CASKIN1: variants seen among roughly 807,000 people sequenced by gnomAD.
CASKIN1 encodes the protein CASK interacting protein 1.
A neutral mutation model predicts 117.5 loss-of-function variants in CASKIN1; 42 were observed. The observed-to-expected ratio is 0.36, with a 90% confidence interval of 0.28 to 0.46. The LOEUF (loss-of-function observed/expected upper bound fraction) is 0.46, where lower values mean the gene tolerates loss of function less well. Ranked by LOEUF, CASKIN1 falls within the 20% of genes least tolerant of loss-of-function variation. CASKIN1 has a pLI of 1.00. For missense variants in CASKIN1, 2,083 were observed against 2,077.3 expected (o/e 1.00, Z -0.05); for synonymous variants, 1,148 against 961.7 (o/e 1.19, Z -3.59).
chr16:2,180,921 C>T lies in CASKIN1; in HGVS notation c.2447G>A (p.Arg816His), dbSNP rs748926401. Residue 816 changes from arginine (R) to histidine (H), a missense_variant, in exon 18 of 20, where the codon CGC (arginine) becomes CAC (histidine). This residue lies in a region of CASKIN1 where 1,818 missense variants were observed against 1,688.9 expected (regional missense o/e 1.08). Coordinates refer to ENST00000343516, the MANE Select transcript of CASKIN1 (RefSeq NM_020764.4). ...AGGCAGGGAGCGGGGTGACATGGGG[C>T]GCTCTGTCGGCGGCAGCAGCTGCGG... is the stretch of plus-strand genomic sequence containing the variant. ...PTPQLLPPTE[R>H]PMSPRSLPQS... The T allele has an allele frequency of 4.7e-5, 68 of 1,457,742 alleles. No individual in the cohort carries two copies. The highest frequency in any genetic ancestry group is 5.2e-5 in the East Asian group (2 of 38,568). The allele number at this position is 1,457,742 out of a possible 1,614,324, so 90.3% of individuals were successfully genotyped here.
intron 17 of CASKIN1, 43 bp from the exon 18 acceptor site, chr16:2,181,642 G>A (rs1406854687): frequency 1.3e-6 from 2 of 1,489,424 alleles, no homozygotes; most frequent in Non-Finnish European, 1.8e-6. Flanking sequence ...CCAGGAGGCG[G>A]AGGGGCAGGG....
In CASKIN1 at chr16:2,180,073, G is replaced by A. The variant is rs760046951; in HGVS notation, c.3295C>T (p.Arg1099Trp). ...PFVEDGTGRQ[R>W]PRGPSKGEAG... The stretch of plus-strand genomic sequence containing the variant: ...TCGCCCTTGGAGGGACCCCGAGGCC[G>A]CTGCCGGCCAGTGCCATCCTCCACA... Residue 1099 changes from arginine (R) to tryptophan (W), a missense_variant, in exon 18 of 20, where the codon CGG becomes TGG. By Grantham distance (101) the Arg-to-Trp change is moderately radical (BLOSUM62 -3). Around this residue, in one of 3 missense-constraint regions of CASKIN1, gnomAD observed 1,818 missense variants for 1,688.9 expected, o/e 1.08. Transcript: ENST00000343516. 6 of 1,572,910 alleles carry A rather than the reference G, an allele frequency of 3.8e-6. No homozygotes were observed. The East Asian group carries it at 1.2e-4, about 31-fold the overall frequency.
rs543337642 is a variant in CASKIN1, at chr16:2,182,664, C to T, written c.1630-735G>A. ...CACGCGCCAGGTGGCTTTTGACAGC[C>T]ACCGATCGCCTCTCCCGTTGGGAGC... On this transcript the variant is annotated intron_variant, in intron 16 of 19. Transcript: ENST00000343516. The surrounding 1 kb of genome is among the most constrained non-coding windows in gnomAD (Gnocchi z 4.1). 1.4e-4 allele frequency among the ~76,000 whole-genome samples: 22 copies of T among 152,364 alleles called. No individual in the cohort carries two copies. The highest frequency in any genetic ancestry group is 3.2e-4 in the Non-Finnish European group (22 of 68,036).
In CASKIN1 at chr16:2,179,712, C is replaced by T. The variant is rs989055406; in HGVS notation, c.3656G>A (p.Arg1219Gln). The T allele has an allele frequency of 1.3e-5, 19 of 1,510,696 alleles. No individual in the cohort carries two copies. In the African/African-American group the frequency reaches 1.8e-4, roughly 14 times the overall value. The allele number at this position is 1,510,696 out of a possible 1,614,324, so 93.6% of individuals were successfully genotyped here. A position where few individuals can be genotyped will look rare whatever the true frequency, so the allele number is the denominator to read the frequency against. The change falls in exon 18 of 20, where the codon CGG becomes CAG. Residue 1219 changes from arginine (R) to glutamine (Q), a missense_variant. Arg to Gln is a conservative substitution (Grantham distance 43, BLOSUM62 1). Transcript: ENST00000343516. This position sits in a 1 kb window ranked among gnomAD's most constrained non-coding sequence, Gnocchi z 5.8. ...PPLPPPEGEA[R>Q]KPAKPPVSPK... ...AGAGACAGGCGGCTTGGCCGGCTTC[C>T]GGGCTTCGCCCTCGGGCGGGGGCAA...
Position 2,180,078 on chromosome 16 carries a change from C to G in CASKIN1, c.3290G>C (p.Arg1097Pro), listed in dbSNP as rs867315410. ...PGPFVEDGTG[R>P]QRPRGPSKGE... Reference sequence around the variant, plus strand: ...CTTGGAGGGACCCCGAGGCCGCTGCCGGCCAGTGCCATCCTCCACAAAGGG... The same window carrying G: ...CTTGGAGGGACCCCGAGGCCGCTGCGGGCCAGTGCCATCCTCCACAAAGGG... The change falls in exon 18 of 20, where the codon CGG (arginine) becomes CCG (proline). Residue 1097 changes from arginine (R) to proline (P), a missense_variant. Arg to Pro is a moderately radical substitution (Grantham distance 103). This residue lies in a region of CASKIN1 where 1,818 missense variants were observed against 1,688.9 expected (regional missense o/e 1.08). Coordinates refer to ENST00000343516, the MANE Select transcript of CASKIN1 (RefSeq NM_020764.4). The G allele has an allele frequency of 6.4e-7, 1 of 1,568,814 alleles. No homozygotes were observed.
chr16:2,189,165 G>A lies in CASKIN1; in HGVS notation c.487-8C>T, dbSNP rs761266049. On this transcript the variant is annotated splice_polypyrimidine_tract_variant and splice_region_variant and intron_variant, in intron 5 of 19. Transcript: ENST00000343516. ...GAGGAGCAGCTGGACCACCTTGAAG[G>A]AGGGGTCAGGGTAGGGGGGTCCTGA... The A allele has an allele frequency of 1.2e-6, 2 of 1,612,610 alleles. No homozygotes were observed. The highest frequency in any genetic ancestry group is 1.1e-5 in the South Asian group (1 of 91,058).
At chr16:2,186,895 G>A (rs1471603563) in intron 9 of CASKIN1, 71 bp from the exon 10 acceptor site, 2 of 1,600,848 alleles carry the variant, frequency 1.2e-6, no homozygotes, top group South Asian at 1.1e-5. Context: ...GTGCCCCCCA[G>A]TTGCGGCGGG....
rs1567256885 is a variant in CASKIN1, at chr16:2,178,981, C to T, written c.4120G>A (p.Glu1374Lys). ...SPGDSARQKLEETSACLAAAL... is the reference protein window; with the variant it reads ...SPGDSARQKLKETSACLAAAL... ...GCGGCCAGGCACGCGCTTGTCTCCTCCAGTTTCTGCCGGGCGCTGTCCCCT... is the reference window on the plus strand; with the variant it reads ...GCGGCCAGGCACGCGCTTGTCTCCTTCAGTTTCTGCCGGGCGCTGTCCCCT... The change falls in exon 19 of 20, where the codon GAG (glutamate) becomes AAG (lysine). Residue 1374 changes from glutamate to lysine, a missense_variant. Physicochemically the swap from Glu to Lys is moderately conservative, Grantham distance 56. Transcript: ENST00000343516. 2 of 1,420,140 alleles carry T rather than the reference C, an allele frequency of 1.4e-6. No individual in the cohort carries two copies. Among genetic ancestry groups the T allele is most frequent in the African/African-American group, 1.5e-5 (1 of 66,960 alleles). 88.0% of individuals were successfully genotyped at this position (1,420,140 alleles called of 1,614,324 possible). A position where few individuals can be genotyped will look rare whatever the true frequency, so the allele number is the denominator to read the frequency against.
chr16:2,177,350 C>G lies in CASKIN1; in HGVS notation c.*1200G>C, dbSNP rs1053967493. 1 of 233,930 alleles carries G rather than the reference C, an allele frequency of 4.3e-6. No homozygotes were observed. The highest frequency in any genetic ancestry group is 8.4e-6 in the Non-Finnish European group (1 of 118,498). 14.5% of individuals were successfully genotyped at this position (233,930 alleles called of 1,614,324 possible). On this transcript the variant is annotated 3_prime_UTR_variant, in exon 20 of 20. Coordinates refer to ENST00000343516, the MANE Select transcript of CASKIN1 (RefSeq NM_020764.4). ...TGAGACAGCAGGAAGGGGCCCTGCA[C>G]GCCGGGACGCCACCTCCGCCAGCCG...
intron 14 of CASKIN1, 110 bp from the exon 15 acceptor site, chr16:2,184,051 G>A (rs1375105874): frequency 1.6e-5 from 11 of 684,732 alleles, no homozygotes; most frequent in African/African-American, 3.6e-5. Flanking sequence ...TGCGTCCGCC[G>A]TCCGCTGCTC....
At chr16:2,178,722 C>T (rs1404451354) in intron 19 of CASKIN1, 76 bp from the exon 20 acceptor site, 30 of 1,387,112 alleles carry the variant, frequency 2.2e-5, no homozygotes, top group African/African-American at 3.0e-5. Flanking sequence ...GACACGCCCA[C>T]GTCCCGCATC....
intron 1 of CASKIN1, among the ~76,000 whole-genome samples, chr16:2,192,020 C>CGTGGCTCA (rs1245480389): frequency 6.6e-6 from 1 of 152,182 alleles, no homozygotes; most frequent in Non-Finnish European, 1.5e-5. Flanking sequence ...GGCTCTGTGC[C>CGTGGCTCA]GTGGCTCACG....
chr16:2,194,863 C>T (rs1440517047), intron 1 of CASKIN1, among the ~76,000 whole-genome samples: 2 of 152,170 alleles, frequency 1.3e-5, no homozygotes, highest in Admixed American at 6.5e-5. Context: ...GGCCCTGGGC[C>T]GTCCAAGACT....
Position 2,181,588 on chromosome 16 carries a change from T to G in CASKIN1, c.1780A>C (p.Lys594Gln). The change falls in exon 18 of 20, where the codon AAG (lysine) becomes CAG (glutamine). Residue 594 changes from lysine to glutamine, a missense_variant. Lys to Gln is a moderately conservative substitution (Grantham distance 53). This residue lies in a region of CASKIN1 where 1,818 missense variants were observed against 1,688.9 expected (regional missense o/e 1.08). Coordinates refer to ENST00000343516, the MANE Select transcript of CASKIN1 (RefSeq NM_020764.4). ...AGCTTCCTCACAGCGAGCATCAGCT[T>G]CTTCTGGTGCCCTGAGTGGGGCGCA... ...IGITKLGHQK[K>Q]LMLAVRKLAE... The G allele has an allele frequency of 6.4e-7, 1 of 1,561,128 alleles. No homozygotes were observed. The highest frequency in any genetic ancestry group is 8.7e-7 in the Non-Finnish European group (1 of 1,155,732).
chr16:2,194,893 A>C (rs958756342), intron 1 of CASKIN1, among the ~76,000 whole-genome samples: 2 of 152,174 alleles, frequency 1.3e-5, no homozygotes, highest in African/African-American at 4.8e-5. Context: ...GCTGGCATTT[A>C]CTGAGCACTT....
Position 2,180,743 on chromosome 16 carries a change from C to G in CASKIN1, c.2625G>C (p.Arg875=). The G allele has an allele frequency of 6.9e-7, 1 of 1,443,344 alleles. No homozygotes were observed. The highest frequency in any genetic ancestry group is 1.4e-5 in the South Asian group (1 of 69,382). The allele number at this position is 1,443,344 out of a possible 1,614,324, so 89.4% of individuals were successfully genotyped here. A position where few individuals can be genotyped will look rare whatever the true frequency, so the allele number is the denominator to read the frequency against. ...LPPEADAEPG[R]PKKRAHSLNR... The stretch of plus-strand genomic sequence containing the variant: ...TCAGGCTGTGGGCCCGCTTCTTGGG[C>G]CGCCCCGGCTCCGCGTCGGCCTCAG... Residue 875 remains arginine, a synonymous_variant, in exon 18 of 20, where the codon CGG becomes CGC. Coordinates refer to ENST00000343516, the MANE Select transcript of CASKIN1 (RefSeq NM_020764.4).
At chr16:2,188,752 G>A (rs1014665162) in intron 6 of CASKIN1, 10 of 424,638 alleles carry the variant, frequency 2.4e-5, no homozygotes, top group Middle Eastern at 6.1e-4. Context: ...CCCACTTTAC[G>A]GATGGGAAAG....
In CASKIN1 at chr16:2,185,006, G is replaced by A. The variant is rs199615689; in HGVS notation, c.1269C>T (p.Ser423=). The A allele has an allele frequency of 5.0e-4, 804 of 1,609,138 alleles. 6 individuals are homozygous for A. The African/African-American group carries it at 9.0e-3, about 18-fold the overall frequency. ...KLLATVLSQK[S]VSESGPGDSP... ...TGTCCCCCGGGCCGGACTCAGAGACGGACTTCTGGGAAAGCACCGTTGCCA... is the reference window on the plus strand; with the variant it reads ...TGTCCCCCGGGCCGGACTCAGAGACAGACTTCTGGGAAAGCACCGTTGCCA... The change falls in exon 13 of 20, where the codon TCC becomes TCT. Residue 423 remains serine (S), a synonymous_variant. Transcript: ENST00000343516.
rs2093159214 is a variant in CASKIN1, at chr16:2,179,555, G to A, written c.3775+38C>T. On this transcript the variant is annotated intron_variant, in intron 18 of 19. Transcript: ENST00000343516. The surrounding 1 kb of genome is among the most constrained non-coding windows in gnomAD (Gnocchi z 5.8). ...ACCACCGAGTAAGGAGGTGGAGCAG[G>A]GTCCTGTTGCCCCTTCACCCCACCC... is the stretch of plus-strand genomic sequence containing the variant. The A allele has an allele frequency of 7.1e-7, 1 of 1,418,372 alleles. No individual in the cohort carries two copies. The highest frequency in any genetic ancestry group is 1.5e-5 in the South Asian group (1 of 66,906). The allele number at this position is 1,418,372 out of a possible 1,614,324, so 87.9% of individuals were successfully genotyped here.
Sources: allele counts gnomAD v4.1 joint callset (sites outside exome capture counted in the v4.1 genomes callset), GRCh38; gene constraint gnomAD v4.1.1; regional missense constraint gnomAD v4.1.1; non-coding constraint Gnocchi (gnomAD v3.1); transcripts MANE v1.5; gene names NCBI Gene and HGNC (gene_info 2026-07-23, HGNC 2026-07-21).